UNC5D: variants seen among roughly 807,000 people sequenced by gnomAD.
The protein encoded by UNC5D is unc-5 netrin receptor D.
UNC5D carries 39 observed loss-of-function variants against 105.4 expected under a neutral mutation model. The ratio of observed to expected loss-of-function variants is 0.37; its 90% confidence interval spans 0.29 to 0.48. The LOEUF is 0.48. UNC5D is among the 20% of genes least tolerant of loss of function. The pLI is 0.98. For synonymous variants in UNC5D, 452 were observed against 450.4 expected (o/e 1.00, Z -0.04); for missense variants, 991 against 1,202.4 (o/e 0.82, Z 2.60).
At chr8:35,427,161 T>A (rs1252595814) in intron 1 of UNC5D, among the ~76,000 whole-genome samples, 1 of 152,210 alleles carries the variant, frequency 6.6e-6, no homozygotes, top group Non-Finnish European at 1.5e-5. Flanking sequence ...AACTACCCCT[T>A]TGAATTATTC....
chr8:35,703,722 C>G (rs563617154), intron 7 of UNC5D, among the ~76,000 whole-genome samples: 1 of 152,296 alleles, frequency 6.6e-6, no homozygotes, highest in African/African-American at 2.4e-5. Flanking sequence ...GAGTAATCTT[C>G]GTTCCTGTGG....
chr8:35,409,861 T>G (rs1563389889), intron 1 of UNC5D, among the ~76,000 whole-genome samples: 1 of 152,076 alleles, frequency 6.6e-6, no homozygotes, highest in Non-Finnish European at 1.5e-5. Context: ...GATTTACATT[T>G]TATACTTAAG....
rs953484813 is a variant in UNC5D, at chr8:35,794,735, G to A, written c.*4172G>A. Reference sequence around the variant, plus strand: ...GCTGCCGTTACAAAGCTGTTTGGCTGTATTGACAGCATGTGGTGTTTTTAC... The same window carrying A: ...GCTGCCGTTACAAAGCTGTTTGGCTATATTGACAGCATGTGGTGTTTTTAC... On this transcript the variant is annotated 3_prime_UTR_variant, in exon 17 of 17. Transcript: ENST00000404895. 6.6e-6 allele frequency: 1 copy of A among 152,568 alleles called. No individual in the cohort carries two copies. The highest frequency in any genetic ancestry group is 1.5e-5 in the Non-Finnish European group (1 of 68,040). 9.5% of individuals were successfully genotyped at this position (152,568 alleles called of 1,614,324 possible). A position where few individuals can be genotyped will look rare whatever the true frequency, so the allele number is the denominator to read the frequency against.
chr8:35,704,811 T>G (rs557035551), intron 7 of UNC5D, among the ~76,000 whole-genome samples: 5 of 152,096 alleles, frequency 3.3e-5, no homozygotes, highest in African/African-American at 1.2e-4. Flanking sequence ...TGACATAGAA[T>G]AAGCCACAGA....
In UNC5D at chr8:35,602,086, A is replaced by G. The variant is rs182399725; in HGVS notation, c.570+6429A>G. Among the ~76,000 whole-genome samples, 34 of 152,214 alleles carry G rather than the reference A, an allele frequency of 2.2e-4. No homozygotes were observed. The East Asian group carries it at 5.8e-3, about 26-fold the overall frequency. Reference sequence around the variant, plus strand: ...GGTTTTTGTCTTTGGTTCTGTTTATATGCTGGATTATGTTTATTGATTTTC... The same window carrying G: ...GGTTTTTGTCTTTGGTTCTGTTTATGTGCTGGATTATGTTTATTGATTTTC... On this transcript the variant is annotated intron_variant, in intron 4 of 16. Transcript: ENST00000404895.
At chr8:35,635,818 G>A (rs1205624845) in intron 4 of UNC5D, among the ~76,000 whole-genome samples, 3 of 152,258 alleles carry the variant, frequency 2.0e-5, no homozygotes, top group South Asian at 2.1e-4. Flanking sequence ...AAAGAGTTAC[G>A]TGTGTAGATT....
At chr8:35,750,971 A>T (rs1310819987) in intron 13 of UNC5D, among the ~76,000 whole-genome samples, 162 bp downstream of exon 13, 3 of 152,158 alleles carry the variant, frequency 2.0e-5, no homozygotes, top group Admixed American at 2.0e-4. Context: ...AGACAGAGCC[A>T]ATTTATCAAG....
rs191851321 is a variant in UNC5D, at chr8:35,578,432, G to C, written c.466+10191G>C. On this transcript the variant is annotated intron_variant, in intron 3 of 16. Transcript: ENST00000404895. ...GCTGTCTACATGTGGGATACTGCTT[G>C]GTGCTCCAGGAATATAGGAAGCCAC... is the stretch of plus-strand genomic sequence containing the variant. Among the ~76,000 whole-genome samples the C allele has an allele frequency of 2.6e-5, 4 of 152,130 alleles. No homozygotes were observed. In the East Asian group the frequency reaches 7.8e-4, roughly 29 times the overall value.
intron 1 of UNC5D, among the ~76,000 whole-genome samples, chr8:35,471,640 G>T (rs1809732877): frequency 6.6e-6 from 1 of 152,212 alleles, no homozygotes; most frequent in African/African-American, 2.4e-5. Flanking sequence ...GCTTTTCCTT[G>T]TGTTTTTTCT....
chr8:35,694,852 A>C (rs1826647793), intron 7 of UNC5D, among the ~76,000 whole-genome samples: 1 of 152,146 alleles, frequency 6.6e-6, no homozygotes, highest in South Asian at 2.1e-4. Context: ...AAGTGCTAGG[A>C]TAACAGGTGT....
chr8:35,615,035 G>GCACCCCCC (rs1394702258), intron 4 of UNC5D, among the ~76,000 whole-genome samples: 1 of 53,820 alleles, frequency 1.9e-5, no homozygotes, highest in Non-Finnish European at 3.0e-5. Context: ...CATAGTGAGG[G>GCACCCCCC]GCCCCCCCCC....
chr8:35,297,697 TTG>T (rs1414717804), intron 1 of UNC5D, among the ~76,000 whole-genome samples: 13 of 151,956 alleles, frequency 8.6e-5, no homozygotes, highest in Non-Finnish European at 1.6e-4. Context: ...GTTCTGGTGT[TTG>T]CTGCCTCCGG....
intron 1 of UNC5D, among the ~76,000 whole-genome samples, chr8:35,391,967 A>G (rs1470445362): frequency 1.3e-5 from 2 of 152,176 alleles, no homozygotes; most frequent in Admixed American, 6.5e-5. Flanking sequence ...TCAATTCTCA[A>G]TCTTGATGGA....
At chr8:35,331,623 G>A (rs1210252228) in intron 1 of UNC5D, among the ~76,000 whole-genome samples, 1 of 152,096 alleles carries the variant, frequency 6.6e-6, no homozygotes, top group South Asian at 2.1e-4. Flanking sequence ...ATCCTTGGAG[G>A]GGGTGCTCTG....
At chr8:35,495,796 C>G (rs2130170015) in intron 1 of UNC5D, among the ~76,000 whole-genome samples, 1 of 152,054 alleles carries the variant, frequency 6.6e-6, no homozygotes, top group East Asian at 1.9e-4. Flanking sequence ...TTTTTTGATC[C>G]TCCTATGAAA....
At chr8:35,310,891 T>G (rs1808826111) in intron 1 of UNC5D, among the ~76,000 whole-genome samples, 1 of 152,146 alleles carries the variant, frequency 6.6e-6, no homozygotes, top group African/African-American at 2.4e-5. Flanking sequence ...GGGAACACAG[T>G]TGGGTCCATA....
chr8:35,259,431 A>G (rs1019080100), intron 1 of UNC5D, among the ~76,000 whole-genome samples: 4 of 152,190 alleles, frequency 2.6e-5, no homozygotes, highest in Non-Finnish European at 5.9e-5. Flanking sequence ...AATTGGTTCC[A>G]TCAGAAGTAG....
chr8:35,453,796 C>T (rs557485158), intron 1 of UNC5D, among the ~76,000 whole-genome samples: 1 of 152,194 alleles, frequency 6.6e-6, no homozygotes, highest in South Asian at 2.1e-4. Flanking sequence ...ACATCTGCCA[C>T]CCACCCACTC....
intron 1 of UNC5D, among the ~76,000 whole-genome samples, chr8:35,266,896 C>G (rs745759278): frequency 4.6e-5 from 7 of 152,152 alleles, no homozygotes; most frequent in Non-Finnish European, 1.0e-4. Flanking sequence ...TGGAGAATGC[C>G]TATTCCAAGA....
Sources: gnomAD v4.1 joint callset for allele counts (sites outside exome capture counted in the v4.1 genomes callset) on GRCh38, gnomAD v4.1.1 for gene constraint, MANE v1.5 for transcripts, NCBI Gene and HGNC (gene_info 2026-07-23, HGNC 2026-07-21) for gene names.